Variants in SNED1 observed in about 807,000 individuals in gnomAD.
The protein encoded by SNED1 is sushi, nidogen and EGF like domains 1.
SNED1 carries 81 observed loss-of-function variants against 166.7 expected under a neutral mutation model. That is an observed-to-expected ratio of 0.49 (90% CI 0.41 to 0.58). The LOEUF is 0.58. SNED1 is among the 20% of genes least tolerant of loss of function. The probability of loss-of-function intolerance (pLI) is 0.00; values close to 1 mark genes in which losing one functional copy is unlikely to be tolerated. For missense variants in SNED1, 1,604 were observed against 2,000.2 expected (o/e 0.80, Z 3.78); for synonymous variants, 762 against 822.0 (o/e 0.93, Z 1.25).
At chr2:241,049,219 C>CAG in intron 11 of SNED1, 84 bp downstream of exon 11, 5 of 1,028,548 alleles carry the variant, frequency 4.9e-6, no homozygotes, top group Non-Finnish European at 7.4e-6. Context: ...AGGCAGAGGC[C>CAG]AGAGTCCCTA....
chr2:241,078,207 A>AC (rs1417495470), intron 27 of SNED1, among the ~76,000 whole-genome samples: 1 of 151,542 alleles, frequency 6.6e-6, no homozygotes, highest in Admixed American at 6.6e-5. Flanking sequence ...ACGCGGTGAA[A>AC]CCCCGTCTCT....
At chr2:241,002,145 C>T (rs1306770958) in intron 1 of SNED1, among the ~76,000 whole-genome samples, 2 of 152,122 alleles carry the variant, frequency 1.3e-5, no homozygotes, top group Non-Finnish European at 2.9e-5. Context: ...TCTGTCTCCC[C>T]ATCTGTGTGG....
chr2:241,095,060 GCCC>G lies in SNED1; in HGVS notation c.*3437_*3439del, dbSNP rs10573691. 0.16 allele frequency: 14,775 copies of G among 90,468 alleles called. 2,833 individuals carry two copies. The highest frequency in any genetic ancestry group is 0.41 in the African/African-American group (12,717 of 30,924). 5.6% of individuals were successfully genotyped at this position (90,468 alleles called of 1,614,324 possible). On this transcript the variant is annotated 3_prime_UTR_variant, in exon 32 of 32. Coordinates refer to ENST00000310397, the MANE Select transcript of SNED1 (RefSeq NM_001080437.3). ...CTCATTGAGTTCCCTAAGGTGACAC[GCCC>G]CCCCCCCCCCCCACACCCACCTTGG...
intron 27 of SNED1, among the ~76,000 whole-genome samples, chr2:241,076,295 C>T (rs1057204679): frequency 2.6e-5 from 4 of 152,194 alleles, no homozygotes; most frequent in East Asian, 1.9e-4. Flanking sequence ...CCATATATGA[C>T]ATTATGACTT....
chr2:241,084,761 T>C (rs1330347752), intron 29 of SNED1, among the ~76,000 whole-genome samples: 1 of 152,196 alleles, frequency 6.6e-6, no homozygotes, highest in South Asian at 2.1e-4. Flanking sequence ...TCTGGTATCA[T>C]TTCTCTTTGC....
intron 1 of SNED1, among the ~76,000 whole-genome samples, chr2:241,024,652 C>CTTATT (rs371310534): frequency 1.2e-3 from 173 of 139,640 alleles, no homozygotes; most frequent in South Asian, 2.8e-3. Context: ...CTTATTTTAT[C>CTTATT]TTATTTTATT....
chr2:241,088,451 G>A (rs58025399), intron 31 of SNED1, 49 bp downstream of exon 31: 7 of 1,490,924 alleles, frequency 4.7e-6, no homozygotes, highest in African/African-American at 2.8e-5. Context: ...GCTGGGAAGT[G>A]GGGGGCGACT....
chr2:241,044,355 G>T (rs536383507), intron 8 of SNED1, among the ~76,000 whole-genome samples: 48 of 152,306 alleles, frequency 3.2e-4, no homozygotes, highest in Non-Finnish European at 6.0e-4. Flanking sequence ...AATAGAATGG[G>T]TTTCTGGTTC....
At position 241,030,277 on chromosome 2, in the gene SNED1, C is replaced by T. The variant is rs766292130; in HGVS notation, c.214-7C>T. The T allele has an allele frequency of 6.4e-7, 1 of 1,569,366 alleles. No homozygotes were observed. The highest frequency in any genetic ancestry group is 8.7e-7 in the Non-Finnish European group (1 of 1,153,944). The stretch of plus-strand genomic sequence containing the variant: ...GTCAATCCCCGCTCTGGCTTTCTGC[C>T]TCCCAGGTGAACAACAACGGGATCA... On this transcript the variant is annotated splice_polypyrimidine_tract_variant and splice_region_variant and intron_variant, in intron 1 of 31. Coordinates refer to ENST00000310397, the MANE Select transcript of SNED1 (RefSeq NM_001080437.3).
rs1360696248 is a variant in SNED1 at position 241,068,777 on chromosome 2, AG to A, written c.3195-132del. On this transcript the variant is annotated intron_variant, in intron 22 of 31. Coordinates refer to ENST00000310397, the MANE Select transcript of SNED1 (RefSeq NM_001080437.3). This position sits in a 1 kb window ranked among gnomAD's most constrained non-coding sequence, Gnocchi z 5.3. Reference sequence around the variant, plus strand: ...AGGGCCATGAGTCTGCCCCTCGTGGAGGTTGCCTGGGCCACCAGCAGCAGGA... The same window carrying A: ...AGGGCCATGAGTCTGCCCCTCGTGGAGTTGCCTGGGCCACCAGCAGCAGGA... The A allele has an allele frequency of 1.6e-6, 1 of 636,552 alleles. No individual in the cohort carries two copies. Among genetic ancestry groups the A allele is most frequent in the Non-Finnish European group, 2.8e-6 (1 of 359,032 alleles). 39.4% of individuals were successfully genotyped at this position (636,552 alleles called of 1,614,324 possible). A position where few individuals can be genotyped will look rare whatever the true frequency, so the allele number is the denominator to read the frequency against.
At chr2:241,078,239 T>G (rs75891584) in intron 27 of SNED1, among the ~76,000 whole-genome samples, 1 of 151,366 alleles carries the variant, frequency 6.6e-6, no homozygotes, top group Non-Finnish European at 1.5e-5. Context: ...AAAAATTAGC[T>G]GGGCGTGGTG....
Position 241,040,177 on chromosome 2 carries a change from C to G in SNED1, c.1148C>G (p.Ala383Gly), listed in dbSNP as rs1372840067. 3 of 1,596,546 alleles carry G rather than the reference C, an allele frequency of 1.9e-6. No homozygotes were observed. In the South Asian group the frequency reaches 3.4e-5, roughly 18 times the overall value. ...TGCCAGGCCGGATACACCGGAGCAG[C>G]CTGCGAGATGGGTGAGTGGCCTGGC... The part of the protein sequence containing the change: ...CVCQAGYTGA[A>G]CEMDVDDCSP... The change falls in exon 7 of 32, where the codon GCC (alanine) becomes GGC (glycine). Residue 383 changes from alanine to glycine, a missense_variant. This residue lies in a region of SNED1 where 1,237 missense variants were observed against 1,620.8 expected (regional missense o/e 0.76). Transcript: ENST00000310397.
intron 1 of SNED1, among the ~76,000 whole-genome samples, chr2:241,012,143 G>A (rs1231813441): frequency 2.0e-5 from 3 of 152,194 alleles, no homozygotes; most frequent in Non-Finnish European, 4.4e-5. Flanking sequence ...TGGGGGGTGC[G>A]GCGAGGGGCA....
intron 31 of SNED1, chr2:241,090,225 T>C: frequency 6.7e-7 from 1 of 1,489,670 alleles, no homozygotes; most frequent in Non-Finnish European, 8.9e-7. Flanking sequence ...TTTTTTACTA[T>C]TTAACTTTTG....
rs1200465461 is a variant in SNED1 at position 241,087,698 on chromosome 2, T to G, written c.4205+223T>G. The G allele has an allele frequency of 6.6e-6, 9 of 1,364,190 alleles. No homozygotes were observed. In the African/African-American group the frequency reaches 1.3e-4, roughly 20 times the overall value. 84.5% of individuals were successfully genotyped at this position (1,364,190 alleles called of 1,614,324 possible). On this transcript the variant is annotated intron_variant, in intron 30 of 31. Coordinates refer to ENST00000310397, the MANE Select transcript of SNED1 (RefSeq NM_001080437.3). The stretch of plus-strand genomic sequence containing the variant: ...GGGCACAGCCGGGCATGCTGGGTGC[T>G]GGGGGGGGTCACTCTGGTTATGCAT...
At position 241,091,373 on chromosome 2, in the gene SNED1, CAT is replaced by C. The variant is rs1303883599; in HGVS notation, c.*2-264_*2-263del. ...TTTAAAAGTTGCAATGCTGAGCCCACATGTTCCTAAAGATGGGGATGTAGTCG... is the reference window on the plus strand; with the variant it reads ...TTTAAAAGTTGCAATGCTGAGCCCACGTTCCTAAAGATGGGGATGTAGTCG... On this transcript the variant is annotated intron_variant, in intron 31 of 31. Transcript: ENST00000310397. The surrounding 1 kb of genome is among the most constrained non-coding windows in gnomAD (Gnocchi z 4.1). Among the ~76,000 whole-genome samples, 1 of 149,360 alleles carries C rather than the reference CAT, an allele frequency of 6.7e-6. No homozygotes were observed. The highest frequency in any genetic ancestry group is 2.5e-5 in the African/African-American group (1 of 39,440).
In SNED1 at chr2:241,064,836, C is replaced by A; in HGVS notation, c.2600-8C>A. On this transcript the variant is annotated splice_polypyrimidine_tract_variant and splice_region_variant and intron_variant, in intron 19 of 31. Transcript: ENST00000310397. The surrounding 1 kb of genome is among the most constrained non-coding windows in gnomAD (Gnocchi z 7.0). Reference sequence around the variant, plus strand: ...CCCAACATACACTGCCACTTTTTCTCCCCTCAGTGAGTGACCCCTGCTTCT... The same window carrying A: ...CCCAACATACACTGCCACTTTTTCTACCCTCAGTGAGTGACCCCTGCTTCT... The A allele has an allele frequency of 6.4e-7, 1 of 1,574,234 alleles. No homozygotes were observed. Among genetic ancestry groups the A allele is most frequent in the Non-Finnish European group, 8.6e-7 (1 of 1,165,310 alleles).
chr2:241,042,677 T>G (rs2061550744), intron 8 of SNED1, among the ~76,000 whole-genome samples: 1 of 152,226 alleles, frequency 6.6e-6, no homozygotes, highest in Admixed American at 6.5e-5. Context: ...AAGTAGAAGG[T>G]ATTTTTAAAA....
chr2:241,071,389 G>A (rs6713206), intron 24 of SNED1, 187 bp from the exon 25 acceptor site: 16,177 of 641,028 alleles, frequency 0.025, 288 homozygotes, highest in South Asian at 0.036. Context: ...TGCGGCGGGT[G>A]GGCTGGAAGG....
Sources: allele counts gnomAD v4.1 joint callset (sites outside exome capture counted in the v4.1 genomes callset), GRCh38; gene constraint gnomAD v4.1.1; regional missense constraint gnomAD v4.1.1; non-coding constraint Gnocchi (gnomAD v3.1); transcripts MANE v1.5; gene names NCBI Gene and HGNC (gene_info 2026-07-23, HGNC 2026-07-21).